Variants in SNAP29 observed in about 807,000 individuals in gnomAD.
SNAP29 encodes synaptosome associated protein 29.
A neutral mutation model predicts 27.9 loss-of-function variants in SNAP29; 13 were observed. The ratio of observed to expected loss-of-function variants is 0.47; its 90% CI spans 0.30 to 0.74. The LOEUF (loss-of-function observed/expected upper bound fraction) is 0.74. SNAP29 is among the 30% of genes least tolerant of loss of function. The pLI is 0.06. For synonymous variants in SNAP29, 119 were observed against 127.1 expected, an observed-to-expected ratio of 0.94 and a Z score of 0.43; for missense variants, 368 against 336.5, an observed-to-expected ratio of 1.09 and a Z score of -0.73.
Position 20,872,820 on chromosome 22 carries a change from C to CTTTTTTTTT in SNAP29, c.434+2306_434+2314dup, listed in dbSNP as rs361677. Among the ~76,000 whole-genome samples the CTTTTTTTTT allele has an allele frequency of 4.5e-4, 18 of 39,878 alleles. 8 individuals are homozygous for CTTTTTTTTT. The highest frequency in any genetic ancestry group is 5.2e-4 in the African/African-American group (5 of 9,568). The allele number at this position is 39,878 out of a possible 152,430, so 26.2% of individuals were successfully genotyped here. A position where few individuals can be genotyped will look rare whatever the true frequency, so the allele number is the denominator to read the frequency against. ...TAGAGTGCCGAGCCACCACGCCAGG[C>CTTTTTTTTT]TTTTTTTTTTTTTTTTTTTTTTTTT... is the stretch of plus-strand genomic sequence containing the variant. On this transcript the variant is annotated intron_variant, in intron 2 of 4. Transcript: ENST00000215730.
At chr22:20,868,156 T>C (rs1286503465) in intron 1 of SNAP29, among the ~76,000 whole-genome samples, 1 of 152,192 alleles carries the variant, frequency 6.6e-6, no homozygotes, top group Non-Finnish European at 1.5e-5. Flanking sequence ...ATGATAAACT[T>C]GAGGTGATGG....
rs1929123796 is a variant in SNAP29, at chr22:20,890,518, G to C, written c.*2682G>C. ...CATGCCTGTAATCCCAGTGCTTTGG[G>C]AGGCCAAGGCGGGGGGATCACGAGG... On this transcript the variant is annotated 3_prime_UTR_variant, in exon 5 of 5. Transcript: ENST00000215730. 1 of 386,702 alleles carries C rather than the reference G, an allele frequency of 2.6e-6. No homozygotes were observed. Among genetic ancestry groups the C allele is most frequent in the East Asian group, 3.7e-5 (1 of 27,334 alleles). The allele number at this position is 386,702 out of a possible 1,614,324, so 24.0% of individuals were successfully genotyped here. A position where few individuals can be genotyped will look rare whatever the true frequency, so the allele number is the denominator to read the frequency against.
intron 2 of SNAP29, among the ~76,000 whole-genome samples, chr22:20,876,311 G>A (rs1183250245): frequency 2.1e-5 from 3 of 144,434 alleles, no homozygotes; most frequent in African/African-American, 7.7e-5. Context: ...AGGCTGGAGT[G>A]CAGTGGTGCA....
At position 20,888,061 on chromosome 22, in the gene SNAP29, GTT is replaced by G; in HGVS notation, c.*229_*230del. ...TTCTTCCAGCAAAATGCTTATTAGA[GTT>G]TTTGTCTGAGCACAGTAGCCTGGCC... On this transcript the variant is annotated 3_prime_UTR_variant, in exon 5 of 5. Coordinates refer to ENST00000215730, the MANE Select transcript of SNAP29 (RefSeq NM_004782.4). 2 of 542,368 alleles carry G rather than the reference GTT, an allele frequency of 3.7e-6. No homozygotes were observed. The allele number at this position is 542,368 out of a possible 1,614,324, so 33.6% of individuals were successfully genotyped here. A position where few individuals can be genotyped will look rare whatever the true frequency, so the allele number is the denominator to read the frequency against.
intron 4 of SNAP29, among the ~76,000 whole-genome samples, chr22:20,886,340 C>T (rs1929015059): frequency 6.6e-6 from 1 of 151,842 alleles, no homozygotes; most frequent in Non-Finnish European, 1.5e-5. Flanking sequence ...GAGAGTTTTA[C>T]TCTGTCGCCC....
In SNAP29 at chr22:20,889,722, C is replaced by T. The variant is rs965927932; in HGVS notation, c.*1886C>T. The T allele has an allele frequency of 6.6e-6, 1 of 152,176 alleles. No homozygotes were observed. The highest frequency in any genetic ancestry group is 1.5e-5 in the Non-Finnish European group (1 of 68,044). 9.4% of individuals were successfully genotyped at this position (152,176 alleles called of 1,614,324 possible). A position where few individuals can be genotyped will look rare whatever the true frequency, so the allele number is the denominator to read the frequency against. On this transcript the variant is annotated 3_prime_UTR_variant, in exon 5 of 5. Transcript: ENST00000215730. ...TCCATGTATGTCAACTTTTTATCAC[C>T]GTCAGGCATAGACTCGTGGAGATTA...
At chr22:20,859,378 G>A (rs765697553) in intron 1 of SNAP29, 31 bp downstream of exon 1, 5 of 1,429,926 alleles carry the variant, frequency 3.5e-6, no homozygotes, top group Admixed American at 1.7e-5. Context: ...GTGTGGACTC[G>A]CCGGTCTCTG....
At chr22:20,872,373 TG>T (rs1366661697) in intron 2 of SNAP29, among the ~76,000 whole-genome samples, 1 of 151,636 alleles carries the variant, frequency 6.6e-6, no homozygotes, top group African/African-American at 2.4e-5. Context: ...CCCAAGTAGC[TG>T]GGATCACAGG....
chr22:20,876,156 CA>C lies in SNAP29; in HGVS notation c.435-4881del, dbSNP rs1022119689. 8.1e-3 allele frequency among the ~76,000 whole-genome samples: 892 copies of C among 110,474 alleles called. 10 individuals are homozygous for C. Among genetic ancestry groups the C allele is most frequent in the African/African-American group, 0.025 (750 of 29,734 alleles). 72.5% of individuals were successfully genotyped at this position (110,474 alleles called of 152,430 possible). A position where few individuals can be genotyped will look rare whatever the true frequency, so the allele number is the denominator to read the frequency against. ...AGCCTGGGCGACAGAGACTCCATCT[CA>C]AAAAAAAAAAATGCAATAAATTGTG... On this transcript the variant is annotated intron_variant, in intron 2 of 4. Transcript: ENST00000215730.
At chr22:20,866,276 C>T (rs1928457344) in intron 1 of SNAP29, among the ~76,000 whole-genome samples, 1 of 152,248 alleles carries the variant, frequency 6.6e-6, no homozygotes, top group Non-Finnish European at 1.5e-5. Flanking sequence ...CCACCCCATA[C>T]TCCAGCTGCC....
rs941020906 is a variant in SNAP29, at chr22:20,890,787, ACT to A, written c.*2956_*2957del. 4.3e-5 allele frequency: 6 copies of A among 138,152 alleles called. No individual in the cohort carries two copies. The highest frequency in any genetic ancestry group is 2.3e-4 in the South Asian group (1 of 4,372). The allele number at this position is 138,152 out of a possible 1,614,324, so 8.6% of individuals were successfully genotyped here. A position where few individuals can be genotyped will look rare whatever the true frequency, so the allele number is the denominator to read the frequency against. ...AAAAAAAAAAAAAAAAAAATAGTGC[ACT>A]CTCTGGCTGGTCACGGTGGCTCACG... On this transcript the variant is annotated 3_prime_UTR_variant, in exon 5 of 5. Coordinates refer to ENST00000215730, the MANE Select transcript of SNAP29 (RefSeq NM_004782.4).
At chr22:20,874,926 C>T (rs1375441760) in intron 2 of SNAP29, among the ~76,000 whole-genome samples, 1 of 152,094 alleles carries the variant, frequency 6.6e-6, no homozygotes, top group African/African-American at 2.4e-5. Context: ...AACTCAGGAG[C>T]AGAGTGAGCC....
intron 2 of SNAP29, among the ~76,000 whole-genome samples, chr22:20,873,211 G>A (rs866555950): frequency 6.6e-5 from 10 of 151,832 alleles, no homozygotes; most frequent in Non-Finnish European, 1.2e-4. Flanking sequence ...AGGTCTTGCT[G>A]TGTTGGCCAG....
At chr22:20,885,577 T>C (rs1399524858) in intron 4 of SNAP29, among the ~76,000 whole-genome samples, 1 of 152,138 alleles carries the variant, frequency 6.6e-6, no homozygotes, top group Non-Finnish European at 1.5e-5. Context: ...AGTGGTATGG[T>C]TGGTGCCTGC....
In SNAP29 at chr22:20,890,261, G is replaced by C; in HGVS notation, c.*2425G>C. The C allele has an allele frequency of 2.5e-6, 1 of 398,370 alleles. No individual in the cohort carries two copies. The highest frequency in any genetic ancestry group is 6.3e-4 in the Middle Eastern group (1 of 1,588). The allele number at this position is 398,370 out of a possible 1,614,324, so 24.7% of individuals were successfully genotyped here. A position where few individuals can be genotyped will look rare whatever the true frequency, so the allele number is the denominator to read the frequency against. Reference sequence around the variant, plus strand: ...CCAGAAACTTTTCACATGATGATTGGGATCGACAAAAAAATGCTACCCTCT... The same window carrying C: ...CCAGAAACTTTTCACATGATGATTGCGATCGACAAAAAAATGCTACCCTCT... On this transcript the variant is annotated 3_prime_UTR_variant, in exon 5 of 5. Coordinates refer to ENST00000215730, the MANE Select transcript of SNAP29 (RefSeq NM_004782.4).
At chr22:20,874,572 C>T (rs1024687325) in intron 2 of SNAP29, among the ~76,000 whole-genome samples, 3 of 136,206 alleles carry the variant, frequency 2.2e-5, no homozygotes, top group African/African-American at 8.7e-5. Context: ...GAGACCCTAT[C>T]TCAAAAAAAA....
At chr22:20,879,104 G>C (rs888024579) in intron 2 of SNAP29, among the ~76,000 whole-genome samples, 7 of 152,072 alleles carry the variant, frequency 4.6e-5, no homozygotes, top group African/African-American at 1.4e-4. Flanking sequence ...TCAGGAGATC[G>C]AGACCATTCC....
At chr22:20,879,100 G>A (rs1025971814) in intron 2 of SNAP29, among the ~76,000 whole-genome samples, 2 of 152,150 alleles carry the variant, frequency 1.3e-5, no homozygotes, top group Non-Finnish European at 2.9e-5. Flanking sequence ...GAGGTCAGGA[G>A]ATCGAGACCA....
intron 2 of SNAP29, among the ~76,000 whole-genome samples, chr22:20,878,728 G>T (rs559765387): frequency 2.2e-4 from 33 of 152,320 alleles, no homozygotes; most frequent in Admixed American, 1.1e-3. Context: ...TTCCCAGATT[G>T]GCTGGCGAAG....
Sources: allele counts gnomAD v4.1 joint callset (sites outside exome capture counted in the v4.1 genomes callset), GRCh38; gene constraint gnomAD v4.1.1; transcripts MANE v1.5; gene names NCBI Gene and HGNC (gene_info 2026-07-23, HGNC 2026-07-21).